Variants in NPAS3 observed in about 807,000 individuals in gnomAD.
NPAS3 encodes the protein neuronal PAS domain protein 3.
NPAS3 carries 14 observed loss-of-function variants against 73.1 expected under a neutral mutation model. The ratio of observed to expected loss-of-function variants is 0.19; its 90% confidence interval spans 0.13 to 0.30. The LOEUF (loss-of-function observed/expected upper bound fraction) is 0.30. Among genes scored for constraint, NPAS3 ranks in the 10% least tolerant of loss-of-function variants. The pLI is 1.00. For synonymous variants in NPAS3, 620 were observed against 541.5 expected, an observed-to-expected ratio of 1.14 and a Z score of -2.01; for missense variants, 1,096 against 1,250.0, an observed-to-expected ratio of 0.88 and a Z score of 1.86.
intron 1 of NPAS3, among the ~76,000 whole-genome samples, chr14:32,952,233 A>G (rs4982026): frequency 0.21 from 32,619 of 152,028 alleles, 4,367 homozygotes; most frequent in Middle Eastern, 0.37. Flanking sequence ...GTTCTACAAA[A>G]GGTAATTTTC....
At chr14:32,963,512 C>CT (rs111656363) in intron 1 of NPAS3, among the ~76,000 whole-genome samples, 343 of 152,254 alleles carry the variant, frequency 2.3e-3, no homozygotes, top group African/African-American at 6.7e-3. Flanking sequence ...TGGGTATTCC[C>CT]TGTATAATTG....
chr14:33,592,929 GA>G (rs1430593834), intron 5 of NPAS3, among the ~76,000 whole-genome samples: 3 of 152,100 alleles, frequency 2.0e-5, no homozygotes, highest in Non-Finnish European at 1.5e-5. Flanking sequence ...TCAGTGCTGT[GA>G]AAATTTTGCA....
chr14:33,078,795 G>A (rs1029855497), intron 2 of NPAS3, among the ~76,000 whole-genome samples: 4 of 152,110 alleles, frequency 2.6e-5, no homozygotes, highest in African/African-American at 9.7e-5. Flanking sequence ...ATAGAAATAG[G>A]GGTAGAGAGT....
chr14:33,758,694 A>G (rs1000089826), intron 7 of NPAS3, among the ~76,000 whole-genome samples: 4 of 152,328 alleles, frequency 2.6e-5, no homozygotes, highest in Non-Finnish European at 5.9e-5. Context: ...TCTGCCTATT[A>G]AGATGCAGGG....
At chr14:33,231,169 A>G (rs1475826471) in intron 3 of NPAS3, among the ~76,000 whole-genome samples, 1 of 152,226 alleles carries the variant, frequency 6.6e-6, no homozygotes, top group African/African-American at 2.4e-5. Flanking sequence ...GTCCTGGACA[A>G]TTGTTTATAA....
At chr14:33,097,039 A>C (rs567766154) in intron 2 of NPAS3, among the ~76,000 whole-genome samples, 1 of 150,690 alleles carries the variant, frequency 6.6e-6, no homozygotes, top group Non-Finnish European at 1.5e-5. Context: ...ACCATGGAAG[A>C]CATTCTTGTT....
chr14:33,136,429 A>G (rs896736720), intron 2 of NPAS3, among the ~76,000 whole-genome samples: 2 of 152,216 alleles, frequency 1.3e-5, no homozygotes, highest in African/African-American at 4.8e-5. Context: ...CATGTCCATG[A>G]TAACCTTTAA....
chr14:33,067,413 A>C (rs997095528), intron 2 of NPAS3, among the ~76,000 whole-genome samples: 3 of 152,260 alleles, frequency 2.0e-5, no homozygotes, highest in Non-Finnish European at 2.9e-5. Flanking sequence ...TGGGGATTTC[A>C]TCTGTCCTTA....
At chr14:33,684,308 CTTTTCT>C (rs370713251) in intron 6 of NPAS3, among the ~76,000 whole-genome samples, 18 of 150,010 alleles carry the variant, frequency 1.2e-4, no homozygotes, top group African/African-American at 4.2e-4. Context: ...CTCATTATTT[CTTTTCT>C]TTTTATTTTT....
At chr14:33,628,152 C>T (rs867920940) in intron 5 of NPAS3, among the ~76,000 whole-genome samples, 1 of 152,198 alleles carries the variant, frequency 6.6e-6, no homozygotes, top group Non-Finnish European at 1.5e-5. Flanking sequence ...TAACTCTCAT[C>T]TTTAAATTCT....
intron 2 of NPAS3, among the ~76,000 whole-genome samples, chr14:33,126,525 C>T (rs941080614): frequency 2.0e-5 from 3 of 151,466 alleles, no homozygotes; most frequent in Non-Finnish European, 4.4e-5. Context: ...CTAATCCAGG[C>T]GGGTGGGTGG....
chr14:33,632,742 C>CT (rs1023904647), intron 5 of NPAS3, among the ~76,000 whole-genome samples: 6 of 152,322 alleles, frequency 3.9e-5, no homozygotes, highest in Admixed American at 3.9e-4. Context: ...AGGAAACGCT[C>CT]TTTTTTACCA....
intron 3 of NPAS3, among the ~76,000 whole-genome samples, chr14:33,295,128 A>C (rs537398069): frequency 1.2e-4 from 19 of 152,338 alleles, no homozygotes; most frequent in Admixed American, 3.3e-4. Flanking sequence ...AGCTATGCAA[A>C]AATAATATTT....
At chr14:33,519,276 C>T (rs1325368067) in intron 4 of NPAS3, among the ~76,000 whole-genome samples, 1 of 152,148 alleles carries the variant, frequency 6.6e-6, no homozygotes, top group Non-Finnish European at 1.5e-5. Flanking sequence ...AGTCTGCCAT[C>T]TCAGAACTCC....
chr14:33,654,853 T>C (rs1449477853), intron 5 of NPAS3, among the ~76,000 whole-genome samples: 2 of 152,188 alleles, frequency 1.3e-5, no homozygotes, highest in Non-Finnish European at 2.9e-5. Context: ...ATAGTTTTAT[T>C]TGATGACACT....
At chr14:33,670,760 C>A (rs2059588928) in intron 5 of NPAS3, among the ~76,000 whole-genome samples, 1 of 151,896 alleles carries the variant, frequency 6.6e-6, no homozygotes, top group Non-Finnish European at 1.5e-5. Context: ...ATTTAGTTTC[C>A]AAGCCACTTA....
intron 1 of NPAS3, among the ~76,000 whole-genome samples, chr14:33,030,348 G>C (rs2039946909): frequency 6.6e-6 from 1 of 152,180 alleles, no homozygotes; most frequent in South Asian, 2.1e-4. Flanking sequence ...GGGTTTCAAA[G>C]TGCAGAAAAT....
intron 3 of NPAS3, among the ~76,000 whole-genome samples, chr14:33,334,293 T>G (rs2044117375): frequency 6.6e-6 from 1 of 152,136 alleles, no homozygotes; most frequent in South Asian, 2.1e-4. Flanking sequence ...TTTAGTAAAT[T>G]TATAGTTATG....
At chr14:33,205,063 G>A (rs999804312) in intron 2 of NPAS3, among the ~76,000 whole-genome samples, 2 of 152,064 alleles carry the variant, frequency 1.3e-5, no homozygotes, top group African/African-American at 4.8e-5. Flanking sequence ...CAAATAGTTA[G>A]CCTCCACACC....
Sources: allele counts gnomAD v4.1 joint callset (sites outside exome capture counted in the v4.1 genomes callset), GRCh38; gene constraint gnomAD v4.1.1; transcripts MANE v1.5; gene names NCBI Gene and HGNC (gene_info 2026-07-23, HGNC 2026-07-21).